Variants in SASH1 observed in about 807,000 individuals in gnomAD.
SASH1 encodes the protein SAM and SH3 domain-containing protein 1.
Under a neutral mutation model 125.2 loss-of-function variants are expected in SASH1, and 44 were observed. The observed-to-expected ratio is 0.35, with a 90% confidence interval of 0.28 to 0.45. SASH1 has a LOEUF of 0.45. SASH1 is among the 20% of genes least tolerant of loss of function. SASH1 has a pLI of 1.00. For missense variants in SASH1, 1,426 were observed against 1,614.5 expected (o/e 0.88, Z 2.00); for synonymous variants, 639 against 649.1 (o/e 0.98, Z 0.24).
intron 17 of SASH1, among the ~76,000 whole-genome samples, chr6:148,543,311 C>T (rs1308871683): frequency 6.6e-6 from 1 of 152,168 alleles, no homozygotes; most frequent in East Asian, 1.9e-4. Flanking sequence ...AGAAATTGTA[C>T]TCACCCAACA....
At chr6:148,369,966 C>CAAAAAAAAAAAAAAAAAAAAAA (rs562924566) in intron 1 of SASH1, among the ~76,000 whole-genome samples, 10 of 93,536 alleles carry the variant, frequency 1.1e-4, no homozygotes, top group South Asian at 4.4e-4. Context: ...AAAAGAAAAA[C>CAAAAAAAAAAAAAAAAAAAAAA]AAAAAAAAAA....
chr6:148,454,015 C>T (rs1777223015), intron 4 of SASH1, among the ~76,000 whole-genome samples: 1 of 152,198 alleles, frequency 6.6e-6, no homozygotes, highest in Non-Finnish European at 1.5e-5. Context: ...GTCAGCAGGG[C>T]AGGCAGTTCA....
intron 10 of SASH1, 115 bp from the exon 11 acceptor site, chr6:148,525,176 C>A (rs1244067022): frequency 2.7e-6 from 2 of 730,822 alleles, no homozygotes; most frequent in Non-Finnish European, 4.9e-6. Flanking sequence ...TACTTTCATC[C>A]TGTCCACGTA....
chr6:148,374,562 A>G (rs923361116), intron 1 of SASH1, among the ~76,000 whole-genome samples: 1 of 152,226 alleles, frequency 6.6e-6, no homozygotes, highest in African/African-American at 2.4e-5. Flanking sequence ...TTAGGCAGAA[A>G]TGACTGTCAA....
At chr6:148,380,896 T>G (rs1783104415) in intron 1 of SASH1, among the ~76,000 whole-genome samples, 1 of 152,234 alleles carries the variant, frequency 6.6e-6, no homozygotes, top group South Asian at 2.1e-4. Context: ...TGCTCTTCTG[T>G]GCAGTAGAAA....
At chr6:148,387,596 CTTTCTTTCTTTCT>C in intron 1 of SASH1, among the ~76,000 whole-genome samples, 1 of 10,330 alleles carries the variant, frequency 9.7e-5, no homozygotes, top group Non-Finnish European at 1.8e-4. Context: ...TTCTTTCTTT[CTTTCTTTCTTTCT>C]TTCTTTCTTT....
intron 7 of SASH1, among the ~76,000 whole-genome samples, chr6:148,487,092 T>TATACACACACAC (rs1339257717): frequency 8.4e-6 from 1 of 118,708 alleles, no homozygotes; most frequent in African/African-American, 3.2e-5. Flanking sequence ...CACATATATA[T>TATACACACACAC]ACACACACAC....
chr6:148,318,831 G>A (rs949932498), intron 1 of SASH1, among the ~76,000 whole-genome samples: 5 of 151,942 alleles, frequency 3.3e-5, no homozygotes, highest in African/African-American at 7.3e-5. Flanking sequence ...GATTACAGGC[G>A]TGAGCCGCCA....
At chr6:148,504,305 C>G (rs1779680471) in intron 8 of SASH1, among the ~76,000 whole-genome samples, 1 of 152,026 alleles carries the variant, frequency 6.6e-6, no homozygotes, top group African/African-American at 2.4e-5. Context: ...TGCTCTGGTG[C>G]CCTTTCTACC....
At chr6:148,420,581 A>G (rs1257973220) in intron 2 of SASH1, among the ~76,000 whole-genome samples, 1 of 152,166 alleles carries the variant, frequency 6.6e-6, no homozygotes, top group African/African-American at 2.4e-5. Flanking sequence ...ATATACCAAA[A>G]TATACAATGA....
At chr6:148,424,066 A>G (rs1046034314) in intron 2 of SASH1, among the ~76,000 whole-genome samples, 2 of 151,426 alleles carry the variant, frequency 1.3e-5, no homozygotes, top group Non-Finnish European at 2.9e-5. Flanking sequence ...TCAAGCTTGA[A>G]TGCTCCATTG....
intron 6 of SASH1, among the ~76,000 whole-genome samples, chr6:148,472,258 G>A (rs984842638): frequency 6.6e-6 from 1 of 152,074 alleles, no homozygotes; most frequent in African/African-American, 2.4e-5. Flanking sequence ...TGTGTGGAAC[G>A]TCTGTCTAAT....
intron 2 of SASH1, among the ~76,000 whole-genome samples, chr6:148,395,024 G>A (rs1472271929): frequency 6.6e-6 from 1 of 152,230 alleles, no homozygotes; most frequent in East Asian, 1.9e-4. Flanking sequence ...GTTAAAAGCA[G>A]AAGAGGAAAT....
intron 1 of SASH1, among the ~76,000 whole-genome samples, chr6:148,359,747 C>T (rs1271358213): frequency 6.6e-6 from 1 of 152,038 alleles, no homozygotes; most frequent in Non-Finnish European, 1.5e-5. Flanking sequence ...CAGCAGATTT[C>T]TTTATTGTCT....
intron 12 of SASH1, among the ~76,000 whole-genome samples, chr6:148,528,176 T>G (rs1246264690): frequency 6.6e-6 from 1 of 152,200 alleles, no homozygotes; most frequent in Non-Finnish European, 1.5e-5. Context: ...GAATTGATTT[T>G]TCCCCCCTGG....
chr6:148,362,061 C>T (rs1782244442), intron 1 of SASH1, among the ~76,000 whole-genome samples: 1 of 148,498 alleles, frequency 6.7e-6, no homozygotes, highest in South Asian at 2.1e-4. Flanking sequence ...CTACAGACGC[C>T]CACAACCACG....
At chr6:148,194,915 C>CA in the SASH1 span, among the ~76,000 whole-genome samples, 1 of 151,924 alleles carries the variant, frequency 6.6e-6, no homozygotes, top group South Asian at 2.1e-4. Flanking sequence ...CAAAACAAAA[C>CA]AAAAAAAGAA....
At chr6:148,322,752 T>C (rs1780670149) in intron 1 of SASH1, among the ~76,000 whole-genome samples, 1 of 152,206 alleles carries the variant, frequency 6.6e-6, no homozygotes, top group Non-Finnish European at 1.5e-5. Flanking sequence ...CTCTCAGACA[T>C]TGTGTCATTT....
rs539253739 is a variant in SASH1 at position 148,525,213 on chromosome 6, C to T, written c.1210-78C>T. On this transcript the variant is annotated intron_variant, in intron 10 of 19. Transcript: ENST00000367467. The stretch of plus-strand genomic sequence containing the variant: ...TTGTGATTCAGAGATGTCCTGCAAA[C>T]GGGGACTGCTGGGTTGGTGCACTGC... The T allele has an allele frequency of 1.2e-4, 117 of 961,648 alleles. No homozygotes were observed. In the South Asian group the frequency reaches 1.3e-3, roughly 11 times the overall value. 59.6% of individuals were successfully genotyped at this position (961,648 alleles called of 1,614,324 possible). A position where few individuals can be genotyped will look rare whatever the true frequency, so the allele number is the denominator to read the frequency against.
Sources: allele counts gnomAD v4.1 joint callset (sites outside exome capture counted in the v4.1 genomes callset), GRCh38; gene constraint gnomAD v4.1.1; transcripts MANE v1.5; gene names NCBI Gene and HGNC (gene_info 2026-07-23, HGNC 2026-07-21).